The following PMPCA variants were observed in gnomAD, a reference collection of about 807,000 sequenced individuals.
PMPCA encodes the protein peptidase, mitochondrial processing subunit alpha, also known as mitochondrial-processing peptidase subunit alpha.
A neutral mutation model predicts 59.3 loss-of-function variants in PMPCA; 47 were observed. The ratio of observed to expected loss-of-function variants is 0.79; its 90% CI spans 0.63 to 1.01. The LOEUF (loss-of-function observed/expected upper bound fraction) is 1.01. Ranked by LOEUF, PMPCA falls within the 50% of genes least tolerant of loss-of-function variation. PMPCA has a pLI of 0.00. For missense variants in PMPCA, 726 were observed against 704.5 expected, an observed-to-expected ratio of 1.03 and a Z score of -0.34; for synonymous variants, 338 against 290.3, an observed-to-expected ratio of 1.16 and a Z score of -1.67.
chr9:136,418,697 C>T (rs1835355890), intron 9 of PMPCA, 24 bp downstream of exon 9: 7 of 1,548,200 alleles, frequency 4.5e-6, no homozygotes, highest in East Asian at 4.5e-5. Context: ...TTTTCTGTAT[C>T]CTCAGGCCAC....
rs553979493 is a variant in PMPCA at position 136,422,564 on chromosome 9, G to A, written c.1409-531G>A. ...ATCTCCTTTCCAGGCCTGGAGTCCCGGGCACTTGCCCTGTCCCGTGTGGGC... is the reference window on the plus strand; with the variant it reads ...ATCTCCTTTCCAGGCCTGGAGTCCCAGGCACTTGCCCTGTCCCGTGTGGGC... On this transcript the variant is annotated intron_variant, in intron 12 of 12. Coordinates refer to ENST00000371717, the MANE Select transcript of PMPCA (RefSeq NM_015160.3). The A allele has an allele frequency of 6.9e-5, 70 of 1,014,966 alleles. No homozygotes were observed. In the African/African-American group the frequency reaches 8.4e-4, roughly 12 times the overall value. 62.9% of individuals were successfully genotyped at this position (1,014,966 alleles called of 1,614,324 possible).
chr9:136,423,108 G>T lies in PMPCA; in HGVS notation c.1422G>T (p.Pro474=). 1 of 1,612,654 alleles carries T rather than the reference G, an allele frequency of 6.2e-7. No individual in the cohort carries two copies. The change falls in exon 13 of 13, where the codon CCG becomes CCT. Residue 474 remains proline, a synonymous_variant. Coordinates refer to ENST00000371717, the MANE Select transcript of PMPCA (RefSeq NM_015160.3). The part of the protein sequence containing the change: ...ELCTLIRNVK[P]EDVKRVASKM... ...CCTCTGCACTAGGCAACGTGAAGCC[G>T]GAAGATGTGAAGAGAGTCGCTTCTA...
intron 4 of PMPCA, among the ~76,000 whole-genome samples, chr9:136,414,076 C>T (rs971712461): frequency 2.3e-4 from 35 of 152,366 alleles, no homozygotes; most frequent in African/African-American, 8.4e-4. Flanking sequence ...CCAGCCATTG[C>T]TGTCCCCCAA....
rs368853345 is a variant in PMPCA, at chr9:136,410,673, C to T, written c.5C>T (p.Ala2Val). 14 of 1,409,548 alleles carry T rather than the reference C, an allele frequency of 9.9e-6. No individual in the cohort carries two copies. Among genetic ancestry groups the T allele is most frequent in the Admixed American group, 3.0e-5 (1 of 32,936 alleles). 87.3% of individuals were successfully genotyped at this position (1,409,548 alleles called of 1,614,324 possible). Residue 2 changes from alanine (A) to valine (V), a missense_variant, in exon 1 of 13, where the codon GCG becomes GTG. Transcript: ENST00000371717. M[A>V]AVVLAATRLL... ...GAAGCGGGGCGGAGACGCAAGATGG[C>T]GGCTGTGGTGCTGGCGGCGACGCGG...
At chr9:136,411,188 A>T (rs372045226) in intron 1 of PMPCA, 28 of 158,812 alleles carry the variant, frequency 1.8e-4, no homozygotes, top group African/African-American at 6.5e-4. Context: ...CCTCCCACCC[A>T]AGTGACCGGG....
At chr9:136,418,423 G>A (rs531793777) in intron 8 of PMPCA, 132 bp from the exon 9 acceptor site, 56 of 707,316 alleles carry the variant, frequency 7.9e-5, no homozygotes, top group Non-Finnish European at 1.3e-4. Flanking sequence ...TCTGCCCTCC[G>A]TCCCTGGCGT....
Position 136,416,814 on chromosome 9 carries a change from T to G in PMPCA, c.634-137T>G, listed in dbSNP as rs186015926. On this transcript the variant is annotated intron_variant, in intron 6 of 12. Coordinates refer to ENST00000371717, the MANE Select transcript of PMPCA (RefSeq NM_015160.3). ...TTATAAATACGCACGCAGCTGCTAT[T>G]GCCAGAGTGCAAGTAAAATATCAGC... The G allele has an allele frequency of 8.5e-5, 60 of 704,996 alleles. 1 individual carries two copies. The highest frequency in any genetic ancestry group is 1.2e-4 in the Non-Finnish European group (52 of 421,896). The allele number at this position is 704,996 out of a possible 1,614,324, so 43.7% of individuals were successfully genotyped here. A position where few individuals can be genotyped will look rare whatever the true frequency, so the allele number is the denominator to read the frequency against.
At chr9:136,422,083 C>T (rs1835471065) in intron 12 of PMPCA, 107 bp downstream of exon 12, 3 of 1,546,872 alleles carry the variant, frequency 1.9e-6, no homozygotes, top group Non-Finnish European at 2.6e-6. Context: ...ATGTCCATCA[C>T]ACCCAGAATC....
At chr9:136,413,792 A>G (rs1485161774) in intron 4 of PMPCA, among the ~76,000 whole-genome samples, 1 of 152,000 alleles carries the variant, frequency 6.6e-6, no homozygotes, top group Non-Finnish European at 1.5e-5. Flanking sequence ...CATTCTCCCC[A>G]TGTGGAGAGC....
chr9:136,414,711 C>A, intron 5 of PMPCA, 64 bp downstream of exon 5: 1 of 1,016,466 alleles, frequency 9.8e-7, no homozygotes, highest in Non-Finnish European at 1.6e-6. Context: ...GAAAGGTTTG[C>A]AGAAGCCCTG....
rs573670530 is a variant in PMPCA, at chr9:136,418,238, C to G, written c.990+129C>G. On this transcript the variant is annotated intron_variant, in intron 8 of 12. Coordinates refer to ENST00000371717, the MANE Select transcript of PMPCA (RefSeq NM_015160.3). The stretch of plus-strand genomic sequence containing the variant: ...TGGGCGGCTCAGCCAGCTCTGCCCT[C>G]TGTCCCTGGCATCCAGCAATGCTCC... 1.7e-5 allele frequency: 12 copies of G among 723,232 alleles called. No homozygotes were observed. In the Admixed American group the frequency reaches 2.2e-4, roughly 13 times the overall value. The allele number at this position is 723,232 out of a possible 1,614,324, so 44.8% of individuals were successfully genotyped here.
Position 136,417,964 on chromosome 9 carries a change from C to G in PMPCA, c.898-53C>G, listed in dbSNP as rs374087056. 8 of 1,275,986 alleles carry G rather than the reference C, an allele frequency of 6.3e-6. No individual in the cohort carries two copies. The Admixed American group carries it at 1.3e-4, about 21-fold the overall frequency. 79.0% of individuals were successfully genotyped at this position (1,275,986 alleles called of 1,614,324 possible). A position where few individuals can be genotyped will look rare whatever the true frequency, so the allele number is the denominator to read the frequency against. On this transcript the variant is annotated intron_variant, in intron 7 of 12. Transcript: ENST00000371717. ...TGAAGATGATCTCATCTGGGGTTTGCGAGCCCTCATTGTTTTTCACATGGC... is the reference window on the plus strand; with the variant it reads ...TGAAGATGATCTCATCTGGGGTTTGGGAGCCCTCATTGTTTTTCACATGGC...
intron 1 of PMPCA, among the ~76,000 whole-genome samples, chr9:136,411,568 C>T (rs905168335): frequency 6.6e-6 from 1 of 152,140 alleles, no homozygotes. Flanking sequence ...TGACCAGGAC[C>T]TATGGGAGTG....
At chr9:136,418,967 C>G in intron 10 of PMPCA, 49 bp downstream of exon 10, 1 of 1,600,878 alleles carries the variant, frequency 6.2e-7, no homozygotes, top group East Asian at 2.2e-5. Context: ...CTGTCCAGAC[C>G]TGGGCGTCCC....
rs758146224 is a variant in PMPCA at position 136,417,120 on chromosome 9, G to A, written c.803G>A (p.Arg268Gln). The change falls in exon 7 of 13, where the codon CGG (arginine) becomes CAG (glutamine). Residue 268 changes from arginine (R) to glutamine (Q), a missense_variant. Coordinates refer to ENST00000371717, the MANE Select transcript of PMPCA (RefSeq NM_015160.3). ...CACGAGCATCTGGTGGACTGTGCCCGGAAGTACCTCCTGGGGGTCCAGCCG... is the reference window on the plus strand; with the variant it reads ...CACGAGCATCTGGTGGACTGTGCCCAGAAGTACCTCCTGGGGGTCCAGCCG... Reference protein sequence around the residue: ...VEHEHLVDCARKYLLGVQPAW... With the variant: ...VEHEHLVDCAQKYLLGVQPAW... 39 of 1,613,572 alleles carry A rather than the reference G, an allele frequency of 2.4e-5. No individual in the cohort carries two copies. The African/African-American group carries it at 2.7e-4, about 11-fold the overall frequency.
rs760436594 is a variant in PMPCA at position 136,416,319 on chromosome 9, G to A, written c.561G>A (p.Ala187=). ...AAGAAGTCGAGATGACGCGGATGGC[G>A]GTCCAGTTTGAGCTGGAGGACCTGA... ...TDEEVEMTRM[A]VQFELEDLNL... Residue 187 remains alanine, a synonymous_variant, in exon 6 of 13, where the codon GCG becomes GCA. Coordinates refer to ENST00000371717, the MANE Select transcript of PMPCA (RefSeq NM_015160.3). 7.4e-6 allele frequency: 12 copies of A among 1,613,756 alleles called. No homozygotes were observed. The highest frequency in any genetic ancestry group is 4.0e-5 in the African/African-American group (3 of 75,000).
intron 7 of PMPCA, 50 bp downstream of exon 7, chr9:136,417,264 G>A (rs747095794): frequency 4.0e-6 from 6 of 1,482,184 alleles, no homozygotes; most frequent in Non-Finnish European, 4.5e-6. Flanking sequence ...CACGTCCCCT[G>A]GCCCGTGGTG....
In PMPCA at chr9:136,423,561, G is replaced by A. The variant is rs56275567; in HGVS notation, c.*297G>A. On this transcript the variant is annotated 3_prime_UTR_variant, in exon 13 of 13. Coordinates refer to ENST00000371717, the MANE Select transcript of PMPCA (RefSeq NM_015160.3). ...CCTCCTCGGGCTGTGGGCACATGGG[G>A]CCCCGCAGGTTCCTTGGAGGAGCCC... is the stretch of plus-strand genomic sequence containing the variant. 376 of 351,858 alleles carry A rather than the reference G, an allele frequency of 1.1e-3. No homozygotes were observed. The highest frequency in any genetic ancestry group is 7.2e-3 in the African/African-American group (352 of 48,722). 21.8% of individuals were successfully genotyped at this position (351,858 alleles called of 1,614,324 possible). A position where few individuals can be genotyped will look rare whatever the true frequency, so the allele number is the denominator to read the frequency against.
intron 12 of PMPCA, chr9:136,422,380 C>T (rs180875234): frequency 6.1e-5 from 69 of 1,130,900 alleles, no homozygotes; most frequent in Non-Finnish European, 7.0e-5. Context: ...AGTCTCAGCC[C>T]CAGGTTTCCG....
Sources: allele counts gnomAD v4.1 joint callset (sites outside exome capture counted in the v4.1 genomes callset), GRCh38; gene constraint gnomAD v4.1.1; transcripts MANE v1.5; gene names NCBI Gene and HGNC (gene_info 2026-07-23, HGNC 2026-07-21).